STPG4: variants seen among roughly 807,000 people sequenced by gnomAD.
STPG4 encodes the protein protein STPG4.
In STPG4, 41 loss-of-function variants were observed where a neutral mutation model predicts 31.5. The observed-to-expected ratio is 1.30, with a 90% CI of 1.01 to 1.69. STPG4 has a LOEUF of 1.69. Among genes scored for constraint, STPG4 ranks in the 40% most tolerant of loss-of-function variants. The pLI, the probability that STPG4 is intolerant of heterozygous loss-of-function variation, is 0.00. For missense variants in STPG4, 375 were observed against 293.4 expected, an observed-to-expected ratio of 1.28 and a Z score of -2.03; for synonymous variants, 141 against 103.0, an observed-to-expected ratio of 1.37 and a Z score of -2.24.
At chr2:47,103,526 A>G (rs1685842618) in intron 5 of STPG4, among the ~76,000 whole-genome samples, 1 of 151,956 alleles carries the variant, frequency 6.6e-6, no homozygotes. Context: ...AGCCTTAGTC[A>G]TGGCCCTCAG....
At chr2:47,151,965 G>C (rs534324134) in intron 2 of STPG4, among the ~76,000 whole-genome samples, 1 of 148,852 alleles carries the variant, frequency 6.7e-6, no homozygotes, top group East Asian at 1.9e-4. Context: ...GGGTTTCACT[G>C]TGTTAGCCAG....
intron 3 of STPG4, among the ~76,000 whole-genome samples, chr2:47,130,494 A>G (rs1558683249): frequency 6.6e-6 from 1 of 152,172 alleles, no homozygotes; most frequent in African/African-American, 2.4e-5. Context: ...GCTGCATAGG[A>G]AAATGTCAAA....
At chr2:47,133,460 C>G (rs992032425) in intron 3 of STPG4, among the ~76,000 whole-genome samples, 6 of 151,956 alleles carry the variant, frequency 3.9e-5, no homozygotes, top group East Asian at 1.9e-4. Context: ...AGCCAACATG[C>G]CTGGCCAGTT....
intron 2 of STPG4, among the ~76,000 whole-genome samples, chr2:47,152,042 C>T (rs1558690418): frequency 2.0e-5 from 3 of 152,110 alleles, no homozygotes; most frequent in Admixed American, 1.3e-4. Context: ...GGATTACAGG[C>T]GTGAGCCACC....
intron 5 of STPG4, among the ~76,000 whole-genome samples, chr2:47,112,939 C>T (rs1037108502): frequency 6.3e-5 from 9 of 142,682 alleles, no homozygotes; most frequent in Non-Finnish European, 1.2e-4. Flanking sequence ...CTGCAGTGAG[C>T]CAAGATTATG....
At chr2:47,140,815 C>A (rs893643807) in intron 3 of STPG4, among the ~76,000 whole-genome samples, 4 of 152,096 alleles carry the variant, frequency 2.6e-5, no homozygotes, top group African/African-American at 9.7e-5. Context: ...AATAGGATTT[C>A]TACACCTTTA....
At chr2:47,096,544 G>A (rs949966419) in intron 5 of STPG4, among the ~76,000 whole-genome samples, 14 of 152,198 alleles carry the variant, frequency 9.2e-5, no homozygotes, top group African/African-American at 3.1e-4. Context: ...AGTGGTCGCC[G>A]AGATATCTTC....
At chr2:47,121,195 C>G (rs932985135) in intron 5 of STPG4, 10 of 154,206 alleles carry the variant, frequency 6.5e-5, no homozygotes, top group African/African-American at 2.4e-4. Context: ...ACTTCAGGTC[C>G]GTCTCCCCTC....
At chr2:47,091,393 T>C (rs1302046964) in intron 5 of STPG4, among the ~76,000 whole-genome samples, 1 of 151,970 alleles carries the variant, frequency 6.6e-6, no homozygotes, top group Non-Finnish European at 1.5e-5. Context: ...AAATGATGAG[T>C]CTTCAGCCTA....
intron 5 of STPG4, among the ~76,000 whole-genome samples, chr2:47,118,597 G>A (rs1271010652): frequency 6.6e-6 from 1 of 152,156 alleles, no homozygotes; most frequent in Non-Finnish European, 1.5e-5. Context: ...CAAAAAGGTT[G>A]GGGACCGCTG....
At chr2:47,130,749 AAGTG>A (rs1686463956) in intron 3 of STPG4, among the ~76,000 whole-genome samples, 1 of 152,140 alleles carries the variant, frequency 6.6e-6, no homozygotes, top group Non-Finnish European at 1.5e-5. Context: ...TCCTGGCCTC[AAGTG>A]ATCCACCTGC....
intron 5 of STPG4, among the ~76,000 whole-genome samples, chr2:47,122,737 G>A (rs1002873602): frequency 2.6e-5 from 4 of 151,574 alleles, no homozygotes; most frequent in African/African-American, 9.7e-5. Flanking sequence ...TCCTGAGTTT[G>A]TAACTACAAA....
At chr2:47,116,941 G>A (rs1686165041) in intron 5 of STPG4, among the ~76,000 whole-genome samples, 1 of 152,106 alleles carries the variant, frequency 6.6e-6, no homozygotes, top group African/African-American at 2.4e-5. Context: ...CCCTTCCTGG[G>A]CCCCTCAACT....
intron 5 of STPG4, among the ~76,000 whole-genome samples, chr2:47,102,646 G>C (rs1276607128): frequency 1.3e-5 from 2 of 151,700 alleles, no homozygotes; most frequent in Non-Finnish European, 2.9e-5. Flanking sequence ...CCTCCCTATA[G>C]CTCCCCTTCC....
At chr2:47,130,323 G>T in intron 3 of STPG4, 63 bp from the exon 4 acceptor site, 2 of 1,251,896 alleles carry the variant, frequency 1.6e-6, no homozygotes, top group Non-Finnish European at 2.3e-6. Flanking sequence ...TTCGTTATCT[G>T]TCATTCGTAA....
At chr2:47,121,404 C>T (rs1217246319) in intron 5 of STPG4, among the ~76,000 whole-genome samples, 1 of 152,128 alleles carries the variant, frequency 6.6e-6, no homozygotes, top group African/African-American at 2.4e-5. Flanking sequence ...ACTCAGCTCC[C>T]AGAACACTGA....
chr2:47,120,273 G>C (rs973837974), intron 5 of STPG4, among the ~76,000 whole-genome samples: 3 of 152,214 alleles, frequency 2.0e-5, no homozygotes, highest in Non-Finnish European at 2.9e-5. Flanking sequence ...GGAGGTTGCA[G>C]TGAGCCGAGA....
intron 5 of STPG4, among the ~76,000 whole-genome samples, chr2:47,113,593 TAATG>T (rs1415026035): frequency 3.3e-5 from 5 of 152,190 alleles, no homozygotes; most frequent in Non-Finnish European, 7.4e-5. Flanking sequence ...ACTATCAAAT[TAATG>T]AATATTTTAA....
chr2:47,113,420 A>T (rs1208386334), intron 5 of STPG4, among the ~76,000 whole-genome samples: 1 of 152,236 alleles, frequency 6.6e-6, no homozygotes. Flanking sequence ...GACCATAACC[A>T]GAAAGTGTAC....
Sources: allele counts gnomAD v4.1 joint callset (sites outside exome capture counted in the v4.1 genomes callset), GRCh38; gene constraint gnomAD v4.1.1; transcripts MANE v1.5; gene names NCBI Gene and HGNC (gene_info 2026-07-23, HGNC 2026-07-21).